The following HPSE2 variants were observed in gnomAD, a reference collection of about 807,000 sequenced individuals.
The protein encoded by HPSE2 is inactive heparanase-2.
Under a neutral mutation model 60.5 loss-of-function variants are expected in HPSE2, and 38 were observed. That is an observed-to-expected ratio of 0.63 (90% CI 0.48 to 0.82). HPSE2 has a LOEUF of 0.82. Ranked by LOEUF, HPSE2 falls within the 40% of genes least tolerant of loss-of-function variation. The pLI is 0.00. For synonymous variants in HPSE2, 295 were observed against 293.2 expected, an observed-to-expected ratio of 1.01 and a Z score of -0.06; for missense variants, 713 against 740.4, an observed-to-expected ratio of 0.96 and a Z score of 0.43.
intron 3 of HPSE2, among the ~76,000 whole-genome samples, chr10:98,974,151 G>A (rs190162888): frequency 8.6e-4 from 131 of 152,104 alleles, no homozygotes; most frequent in Middle Eastern, 3.4e-3. Flanking sequence ...AATTAGCCAG[G>A]TGTGGTGGTG....
At chr10:98,509,954 GAC>G (rs147354591) in intron 9 of HPSE2, among the ~76,000 whole-genome samples, 22 of 150,056 alleles carry the variant, frequency 1.5e-4, no homozygotes, top group Non-Finnish European at 2.4e-4. Flanking sequence ...CTCTGCCAGG[GAC>G]ACACACACAC....
chr10:99,063,125 A>T lies in HPSE2; in HGVS notation c.610+81113T>A, dbSNP rs976991489. ...GATGATGATAGTAATTCTTACCTTC[A>T]TAAGTTTGTTTTAGGAGTTATATGA... On this transcript the variant is annotated intron_variant, in intron 3 of 11. Transcript: ENST00000370552. 2.0e-5 allele frequency among the ~76,000 whole-genome samples: 3 copies of T among 152,370 alleles called. No homozygotes were observed. In the East Asian group the frequency reaches 5.8e-4, roughly 29 times the overall value.
intron 3 of HPSE2, among the ~76,000 whole-genome samples, chr10:99,124,517 C>A (rs1307685455): frequency 6.6e-6 from 1 of 152,214 alleles, no homozygotes; most frequent in East Asian, 1.9e-4. Flanking sequence ...CCACCCTCAG[C>A]CCCTCCCTCA....
chr10:98,925,198 A>G (rs1370476550), intron 3 of HPSE2, among the ~76,000 whole-genome samples: 4 of 152,182 alleles, frequency 2.6e-5, no homozygotes, highest in Admixed American at 1.3e-4. Context: ...AAATCCAAGT[A>G]CTGTGATTGC....
At chr10:98,876,298 T>G (rs1952875978) in intron 3 of HPSE2, among the ~76,000 whole-genome samples, 1 of 152,006 alleles carries the variant, frequency 6.6e-6, no homozygotes, top group East Asian at 1.9e-4. Context: ...GCTAAAATTC[T>G]TATGGTGGTG....
Position 98,928,550 on chromosome 10 carries a change from T to G in HPSE2, c.611-184494A>C, listed in dbSNP as rs1174260684. Among the ~76,000 whole-genome samples the G allele has an allele frequency of 5.8e-5, 6 of 104,144 alleles. No individual in the cohort carries two copies. In the East Asian group the frequency reaches 1.6e-3, roughly 28 times the overall value. 68.3% of individuals were successfully genotyped at this position (104,144 alleles called of 152,430 possible). On this transcript the variant is annotated intron_variant, in intron 3 of 11. Transcript: ENST00000370552. ...AAGACACATGCACACGTATGTTTAT[T>G]GCGGCATTATTCACAATAGCAAAGA...
At chr10:98,705,778 G>T (rs1254092717) in intron 5 of HPSE2, among the ~76,000 whole-genome samples, 1 of 152,084 alleles carries the variant, frequency 6.6e-6, no homozygotes, top group East Asian at 1.9e-4. Context: ...CGAGGAGAGG[G>T]AGAGCATTAG....
chr10:98,937,517 A>G (rs1161855515), intron 3 of HPSE2, among the ~76,000 whole-genome samples: 1 of 144,216 alleles, frequency 6.9e-6, no homozygotes, highest in African/African-American at 2.8e-5. Flanking sequence ...ACTGCAAGGC[A>G]GCAGCCAGGC....
At position 98,886,680 on chromosome 10, in the gene HPSE2, A is replaced by G. The variant is rs1053431136; in HGVS notation, c.611-142624T>C. Among the ~76,000 whole-genome samples the G allele has an allele frequency of 5.1e-4, 77 of 152,172 alleles. 5 individuals carry two copies. The highest frequency in any genetic ancestry group is 1.5e-5 in the Non-Finnish European group (1 of 68,008). On this transcript the variant is annotated intron_variant, in intron 3 of 11. Coordinates refer to ENST00000370552, the MANE Select transcript of HPSE2 (RefSeq NM_021828.5). ...TCCTACCGTGTTAAAGGCTTAGTGC[A>G]AAATACTGGAATGGACTGATTGGTA...
chr10:99,133,129 A>G (rs1845510870), intron 3 of HPSE2, among the ~76,000 whole-genome samples: 1 of 152,204 alleles, frequency 6.6e-6, no homozygotes, highest in Non-Finnish European at 1.5e-5. Context: ...GCCTCTGAAA[A>G]GTTCAAACTG....
At chr10:98,809,340 T>C (rs1296000476) in intron 3 of HPSE2, among the ~76,000 whole-genome samples, 1 of 152,082 alleles carries the variant, frequency 6.6e-6, no homozygotes, top group Admixed American at 6.6e-5. Context: ...TAAAATTTCT[T>C]CCATAATACA....
chr10:98,887,900 C>G (rs1267147117), intron 3 of HPSE2, among the ~76,000 whole-genome samples: 1 of 141,954 alleles, frequency 7.0e-6, no homozygotes, highest in Non-Finnish European at 1.5e-5. Flanking sequence ...CAGTTGTATA[C>G]AGTACCCTAA....
intron 6 of HPSE2, among the ~76,000 whole-genome samples, chr10:98,682,184 G>T (rs1465205753): frequency 6.6e-6 from 1 of 152,140 alleles, no homozygotes; most frequent in Non-Finnish European, 1.5e-5. Context: ...CCAAGATCTG[G>T]TTGTTGAAAA....
chr10:98,776,395 C>T (rs1245708368), intron 3 of HPSE2, among the ~76,000 whole-genome samples: 2 of 151,936 alleles, frequency 1.3e-5, no homozygotes, highest in South Asian at 2.1e-4. Flanking sequence ...TGCAGTAAGC[C>T]GAGATCACGC....
chr10:98,960,748 TTTTATTATACTCTAAG>T (rs1380077445), intron 3 of HPSE2, among the ~76,000 whole-genome samples: 1 of 145,342 alleles, frequency 6.9e-6, no homozygotes, highest in African/African-American at 2.6e-5. Flanking sequence ...TTATTTTTTT[TTTTATTATACTCTAAG>T]TTTTAGGGTA....
At chr10:98,821,470 A>G (rs946675938) in intron 3 of HPSE2, among the ~76,000 whole-genome samples, 3 of 152,248 alleles carry the variant, frequency 2.0e-5, no homozygotes, top group African/African-American at 7.2e-5. Context: ...GGACACTGTC[A>G]TATATGTGGT....
intron 3 of HPSE2, among the ~76,000 whole-genome samples, chr10:98,797,945 A>C (rs376427284): frequency 6.6e-6 from 1 of 152,214 alleles, no homozygotes; most frequent in Non-Finnish European, 1.5e-5. Context: ...AACCTGGAGA[A>C]GATACCAACA....
chr10:98,883,194 C>T (rs1590005751), intron 3 of HPSE2, among the ~76,000 whole-genome samples: 1 of 151,964 alleles, frequency 6.6e-6, no homozygotes, highest in South Asian at 2.1e-4. Context: ...AAGGAATATA[C>T]ATTTTGGCAC....
At chr10:99,162,045 AT>A (rs1459370799) in intron 2 of HPSE2, among the ~76,000 whole-genome samples, 2 of 152,152 alleles carry the variant, frequency 1.3e-5, no homozygotes, top group South Asian at 2.1e-4. Flanking sequence ...ATGAAGAGTT[AT>A]TTTTTAATAG....
Sources: gnomAD v4.1 joint callset for allele counts (sites outside exome capture counted in the v4.1 genomes callset) on GRCh38, gnomAD v4.1.1 for gene constraint, MANE v1.5 for transcripts, NCBI Gene and HGNC (gene_info 2026-07-23, HGNC 2026-07-21) for gene names.